PTPRD: variants seen among roughly 807,000 people sequenced by gnomAD.
PTPRD encodes protein tyrosine phosphatase receptor type D, also known as receptor-type tyrosine-protein phosphatase delta.
A neutral mutation model predicts 214.5 loss-of-function variants in PTPRD; 34 were observed. That is an observed-to-expected ratio of 0.16 (90% CI 0.12 to 0.21). PTPRD has a LOEUF of 0.21. PTPRD is among the 10% of genes least tolerant of loss of function. PTPRD has a pLI of 1.00. For missense variants in PTPRD, 2,545 were observed against 2,398.7 expected (o/e 1.06, Z -1.27); for synonymous variants, 1,128 against 845.7 (o/e 1.33, Z -5.79).
At chr9:10,478,445 C>A (rs561550111) in intron 2 of PTPRD, among the ~76,000 whole-genome samples, 123 of 152,220 alleles carry the variant, frequency 8.1e-4, no homozygotes, top group African/African-American at 2.5e-3. Context: ...TTAGCATTTC[C>A]CAGTGGAAGC....
At chr9:10,097,149 T>A (rs780330037) in intron 3 of PTPRD, among the ~76,000 whole-genome samples, 1 of 143,498 alleles carries the variant, frequency 7.0e-6, no homozygotes, top group African/African-American at 2.5e-5. Context: ...AGCCTTGTAG[T>A]ATAGTTTGAA....
intron 11 of PTPRD, among the ~76,000 whole-genome samples, chr9:8,989,961 AG>A (rs1257410140): frequency 6.6e-6 from 1 of 152,198 alleles, no homozygotes; most frequent in Non-Finnish European, 1.5e-5. Context: ...TCTCTTTATA[AG>A]GGCTATAAAG....
chr9:9,120,547 T>C (rs948010777), intron 10 of PTPRD, among the ~76,000 whole-genome samples: 1 of 152,180 alleles, frequency 6.6e-6, no homozygotes, highest in African/African-American at 2.4e-5. Flanking sequence ...CCTCTTTAGA[T>C]TTAGTCAAAC....
intron 5 of PTPRD, among the ~76,000 whole-genome samples, chr9:9,930,677 T>C (rs372373109): frequency 6.6e-6 from 1 of 152,142 alleles, no homozygotes; most frequent in South Asian, 2.1e-4. Flanking sequence ...AGTATATCAG[T>C]ATGGCTATTC....
chr9:9,915,308 G>C (rs1000045958), intron 5 of PTPRD, among the ~76,000 whole-genome samples: 1 of 150,176 alleles, frequency 6.7e-6, no homozygotes, highest in Non-Finnish European at 1.5e-5. Context: ...ATTAATGTAG[G>C]AACACATCAA....
intron 3 of PTPRD, among the ~76,000 whole-genome samples, chr9:10,233,531 A>G (rs532761848): frequency 1.3e-5 from 2 of 152,170 alleles, no homozygotes; most frequent in East Asian, 3.9e-4. Context: ...ATCAGATTAA[A>G]TAAAATATGA....
At chr9:10,533,458 G>A (rs2056969233) in intron 2 of PTPRD, among the ~76,000 whole-genome samples, 1 of 151,792 alleles carries the variant, frequency 6.6e-6, no homozygotes, top group African/African-American at 2.4e-5. Flanking sequence ...CATAGAGTGG[G>A]TATATACACT....
At chr9:9,012,573 C>T (rs751694189) in intron 11 of PTPRD, among the ~76,000 whole-genome samples, 1 of 152,126 alleles carries the variant, frequency 6.6e-6, no homozygotes, top group Non-Finnish European at 1.5e-5. Flanking sequence ...TTTCCTTTCA[C>T]ATGCAGACAG....
chr9:10,122,635 T>C (rs1489419289), intron 3 of PTPRD, among the ~76,000 whole-genome samples: 2 of 152,224 alleles, frequency 1.3e-5, no homozygotes, highest in East Asian at 1.9e-4. Flanking sequence ...TTGGGCTCAA[T>C]TAAACATTAG....
At chr9:8,940,912 G>A (rs1252039652) in intron 11 of PTPRD, among the ~76,000 whole-genome samples, 1 of 151,968 alleles carries the variant, frequency 6.6e-6, no homozygotes, top group Non-Finnish European at 1.5e-5. Flanking sequence ...GATTTTTCAT[G>A]CCTTGAGCCC....
Position 8,825,974 on chromosome 9 carries a change from C to T in PTPRD, c.-103-92028G>A, listed in dbSNP as rs192340874. Among the ~76,000 whole-genome samples, 3 of 152,252 alleles carry T rather than the reference C, an allele frequency of 2.0e-5. No individual in the cohort carries two copies. The East Asian group carries it at 5.8e-4, about 29-fold the overall frequency. On this transcript the variant is annotated intron_variant, in intron 11 of 45. Transcript: ENST00000381196. The stretch of plus-strand genomic sequence containing the variant: ...AGGATTTTATGGCCTGTATTTTGTA[C>T]TGACCTTTTATCTTATCCTGTGACT...
chr9:10,296,875 G>A (rs1186088228), intron 3 of PTPRD, among the ~76,000 whole-genome samples: 1 of 151,730 alleles, frequency 6.6e-6, no homozygotes, highest in East Asian at 1.9e-4. Context: ...AGGTTTTGTT[G>A]ACCACTTCAG....
At chr9:9,065,853 C>G (rs2099729650) in intron 10 of PTPRD, among the ~76,000 whole-genome samples, 1 of 152,064 alleles carries the variant, frequency 6.6e-6, no homozygotes, top group Non-Finnish European at 1.5e-5. Context: ...TAAATGTAAT[C>G]CATTTAACCT....
chr9:8,855,786 C>T (rs1455301762), intron 11 of PTPRD, among the ~76,000 whole-genome samples: 1 of 152,168 alleles, frequency 6.6e-6, no homozygotes, highest in Admixed American at 6.5e-5. Context: ...AATCCCCCAT[C>T]CCCTTGCTGT....
intron 5 of PTPRD, among the ~76,000 whole-genome samples, chr9:9,802,526 T>C (rs1234723180): frequency 1.3e-5 from 2 of 151,966 alleles, no homozygotes; most frequent in Admixed American, 1.3e-4. Flanking sequence ...ATCTCCACTT[T>C]ATACATCTCT....
intron 2 of PTPRD, among the ~76,000 whole-genome samples, chr9:10,477,573 T>A (rs1167660170): frequency 6.6e-6 from 1 of 152,032 alleles, no homozygotes; most frequent in Non-Finnish European, 1.5e-5. Flanking sequence ...GACAGTGTGG[T>A]GATTCTTCAA....
intron 3 of PTPRD, among the ~76,000 whole-genome samples, chr9:10,183,431 C>T (rs989471880): frequency 6.6e-6 from 1 of 152,070 alleles, no homozygotes; most frequent in Non-Finnish European, 1.5e-5. Context: ...TGAAGGACTA[C>T]AGTGTTGAGT....
At chr9:9,413,100 C>CTA (rs1402914968) in intron 8 of PTPRD, among the ~76,000 whole-genome samples, 2 of 63,020 alleles carry the variant, frequency 3.2e-5, no homozygotes, top group Non-Finnish European at 5.2e-5. Flanking sequence ...CTTGCAGCTT[C>CTA]TTTTTTTTTT....
chr9:8,853,845 C>T lies in PTPRD; in HGVS notation c.-103-119899G>A, dbSNP rs568365468. On this transcript the variant is annotated intron_variant, in intron 11 of 45. Coordinates refer to ENST00000381196, the MANE Select transcript of PTPRD (RefSeq NM_002839.4). ...TTTGCCATCACAAGTAAGCAGCTTT[C>T]CTAAAAGATATTTTCAAAGAAACTG... Among the ~76,000 whole-genome samples, 697 of 152,032 alleles carry T rather than the reference C, an allele frequency of 4.6e-3. 4 individuals carry two copies. Among genetic ancestry groups the T allele is most frequent in the Non-Finnish European group, 6.7e-3 (457 of 67,966 alleles).
Sources: gnomAD v4.1 joint callset for allele counts (sites outside exome capture counted in the v4.1 genomes callset) on GRCh38, gnomAD v4.1.1 for gene constraint, MANE v1.5 for transcripts, NCBI Gene and HGNC (gene_info 2026-07-23, HGNC 2026-07-21) for gene names.